Variants in HERC3 observed in about 807,000 individuals in gnomAD.
HERC3 encodes the protein probable E3 ubiquitin-protein ligase HERC3.
A neutral mutation model predicts 129.9 loss-of-function variants in HERC3; 58 were observed. The observed-to-expected ratio is 0.45, with a 90% CI of 0.36 to 0.56. HERC3 has a LOEUF of 0.56. Ranked by LOEUF, HERC3 falls within the 20% of genes least tolerant of loss-of-function variation. The probability of loss-of-function intolerance (pLI) is 0.00; values close to 1 mark genes in which losing one functional copy is unlikely to be tolerated. For missense variants in HERC3, 835 were observed against 1,244.2 expected (o/e 0.67, Z 4.95); for synonymous variants, 430 against 451.0 (o/e 0.95, Z 0.59).
the HERC3 span, among the ~76,000 whole-genome samples, chr4:88,531,432 C>T: frequency 2.6e-5 from 4 of 152,066 alleles, no homozygotes; most frequent in Admixed American, 1.3e-4. Context: ...TAAAAATAAG[C>T]GTTCACTAAA....
chr4:88,556,924 T>A, the HERC3 span, among the ~76,000 whole-genome samples: 2 of 152,112 alleles, frequency 1.3e-5, no homozygotes, highest in Non-Finnish European at 2.9e-5. Flanking sequence ...GAATCTTTCC[T>A]ATTCTTATCT....
At chr4:88,672,988 C>T (rs1219960392) in intron 16 of HERC3, among the ~76,000 whole-genome samples, 1 of 152,136 alleles carries the variant, frequency 6.6e-6, no homozygotes, top group Non-Finnish European at 1.5e-5. Context: ...GCAGAAGGAA[C>T]ATTCTAAAGT....
chr4:88,650,832 T>C (rs1560718880), intron 4 of HERC3, among the ~76,000 whole-genome samples: 1 of 152,338 alleles, frequency 6.6e-6, no homozygotes, highest in East Asian at 1.9e-4. Context: ...ATCACATACA[T>C]TGCTGAGTAC....
At chr4:88,541,611 C>T in the HERC3 span, among the ~76,000 whole-genome samples, 21,200 of 152,136 alleles carry the variant, frequency 0.14, 1,753 homozygotes, top group Admixed American at 0.23. Context: ...ATCTACAGAA[C>T]TCTCCACAGT....
At chr4:88,625,173 T>A (rs982771620) in intron 3 of HERC3, among the ~76,000 whole-genome samples, 3 of 152,212 alleles carry the variant, frequency 2.0e-5, no homozygotes, top group African/African-American at 7.2e-5. Context: ...AATTTTTTTT[T>A]GGCTATTCTT....
At chr4:88,538,229 TACA>T in the HERC3 span, among the ~76,000 whole-genome samples, 1 of 152,146 alleles carries the variant, frequency 6.6e-6, no homozygotes, top group African/African-American at 2.4e-5. Context: ...CAGTTTGGAG[TACA>T]ACATTTCCTT....
At chr4:88,582,029 G>A in the HERC3 span, among the ~76,000 whole-genome samples, 26 of 152,224 alleles carry the variant, frequency 1.7e-4, no homozygotes, top group African/African-American at 6.0e-4. Context: ...TAAATTTGAT[G>A]TCAACCCCGT....
chr4:88,555,935 C>A, the HERC3 span, among the ~76,000 whole-genome samples: 1 of 151,960 alleles, frequency 6.6e-6, no homozygotes, highest in Non-Finnish European at 1.5e-5. Context: ...ACTGGATTGA[C>A]CAATTAGATA....
At chr4:88,610,221 G>A (rs1355889792) in intron 3 of HERC3, among the ~76,000 whole-genome samples, 6 of 152,160 alleles carry the variant, frequency 3.9e-5, no homozygotes, top group East Asian at 3.9e-4. Flanking sequence ...TTGGGAAGCC[G>A]AGCTGGGTGG....
chr4:88,698,918 C>T (rs1359475467), intron 23 of HERC3, among the ~76,000 whole-genome samples: 1 of 141,048 alleles, frequency 7.1e-6, no homozygotes, highest in Admixed American at 6.9e-5. Flanking sequence ...TTCTTCCCCA[C>T]CTTCCTCACC....
At chr4:88,695,765 C>A (rs1279861604) in intron 23 of HERC3, 4 of 152,316 alleles carry the variant, frequency 2.6e-5, no homozygotes, top group Non-Finnish European at 4.4e-5. Context: ...TCATAGTAAC[C>A]CATGAGGAAG....
At chr4:88,650,451 A>G (rs1729153324) in intron 4 of HERC3, among the ~76,000 whole-genome samples, 1 of 152,228 alleles carries the variant, frequency 6.6e-6, no homozygotes, top group Non-Finnish European at 1.5e-5. Context: ...AGATTCTTTA[A>G]TGCAAAAATG....
At chr4:88,688,698 C>A (rs963703396) in intron 23 of HERC3, among the ~76,000 whole-genome samples, 2 of 152,066 alleles carry the variant, frequency 1.3e-5, no homozygotes, top group Non-Finnish European at 1.5e-5. Flanking sequence ...ATTTATATAT[C>A]TCAATAAAGA....
At chr4:88,550,618 C>T in the HERC3 span, among the ~76,000 whole-genome samples, 1 of 152,132 alleles carries the variant, frequency 6.6e-6, no homozygotes, top group Non-Finnish European at 1.5e-5. Flanking sequence ...CAAACCGCTG[C>T]TCAATGAAAT....
chr4:88,668,377 T>C (rs1342663788), intron 14 of HERC3, among the ~76,000 whole-genome samples: 1 of 152,184 alleles, frequency 6.6e-6, no homozygotes, highest in Non-Finnish European at 1.5e-5. Flanking sequence ...ATTTGCTCAG[T>C]ACCTCAGTAT....
intron 3 of HERC3, 83 bp downstream of exon 3, chr4:88,606,132 C>T (rs1279920902): frequency 9.1e-7 from 1 of 1,099,742 alleles, no homozygotes; most frequent in African/African-American, 1.6e-5. Context: ...ATGGAGCTTT[C>T]TCCACCAAGT....
the HERC3 span, among the ~76,000 whole-genome samples, chr4:88,560,123 C>T: frequency 6.6e-6 from 1 of 152,028 alleles, no homozygotes; most frequent in Non-Finnish European, 1.5e-5. Context: ...CCAAGCCTGG[C>T]TAATTTTTGT....
chr4:88,680,506 G>T (rs149749579), intron 20 of HERC3, among the ~76,000 whole-genome samples: 193 of 152,304 alleles, frequency 1.3e-3, no homozygotes, highest in African/African-American at 4.1e-3. Flanking sequence ...AGGAAACTGT[G>T]ATAAATTGGT....
chr4:88,577,560 G>C, the HERC3 span, among the ~76,000 whole-genome samples: 1 of 122,258 alleles, frequency 8.2e-6, no homozygotes, highest in African/African-American at 4.5e-5. Flanking sequence ...TTTTGCATTA[G>C]AACAAAAGAT....
Sources: allele counts gnomAD v4.1 joint callset (sites outside exome capture counted in the v4.1 genomes callset), GRCh38; gene constraint gnomAD v4.1.1; transcripts MANE v1.5; gene names NCBI Gene and HGNC (gene_info 2026-07-23, HGNC 2026-07-21).